TTYH2: variants seen among roughly 807,000 people sequenced by gnomAD.
TTYH2 encodes protein tweety homolog 2.
In TTYH2, 49 loss-of-function variants were observed where a neutral mutation model predicts 68.3. The observed-to-expected ratio is 0.72, with a 90% CI of 0.57 to 0.91. The LOEUF is 0.91. TTYH2 is among the 40% of genes least tolerant of loss of function. The pLI, the probability that TTYH2 is intolerant of heterozygous loss-of-function variation, is 0.00. For synonymous variants in TTYH2, 272 were observed against 300.8 expected (o/e 0.90, Z 0.99); for missense variants, 631 against 700.4 (o/e 0.90, Z 1.12).
Position 74,232,782 on chromosome 17 carries a change from A to G in TTYH2, c.414+1783A>G, listed in dbSNP as rs2050403188. Among the ~76,000 whole-genome samples the G allele has an allele frequency of 6.6e-6, 1 of 152,154 alleles. No homozygotes were observed. Among genetic ancestry groups the G allele is most frequent in the African/African-American group, 2.4e-5 (1 of 41,438 alleles). Reference sequence around the variant, plus strand: ...AGGGCCATGACCTTCACGGGTTTAGAGAAACTCCCAGAACTCCCTTATGGG... The same window carrying G: ...AGGGCCATGACCTTCACGGGTTTAGGGAAACTCCCAGAACTCCCTTATGGG... On this transcript the variant is annotated intron_variant, in intron 3 of 13. Coordinates refer to ENST00000269346, the MANE Select transcript of TTYH2 (RefSeq NM_032646.6). This position sits in a 1 kb window ranked among gnomAD's most constrained non-coding sequence, Gnocchi z 5.1.
intron 13 of TTYH2, among the ~76,000 whole-genome samples, chr17:74,259,508 G>A (rs4074790): frequency 0.022 from 3,282 of 152,162 alleles, 104 homozygotes; most frequent in African/African-American, 0.074. Flanking sequence ...AATCACCACC[G>A]TTATGTGCAT....
chr17:74,217,235 T>C lies in TTYH2; in HGVS notation c.129+3519T>C, dbSNP rs114889220. On this transcript the variant is annotated intron_variant, in intron 1 of 13. Coordinates refer to ENST00000269346, the MANE Select transcript of TTYH2 (RefSeq NM_032646.6). This position sits in a 1 kb window ranked among gnomAD's most constrained non-coding sequence, Gnocchi z 4.0. ...CTGTCAACAGGCAGGTGGCCACATG[T>C]GTGCTTCCTGTTCCAGCTTCCCTTG... is the stretch of plus-strand genomic sequence containing the variant. Among the ~76,000 whole-genome samples, 1,079 of 152,366 alleles carry C rather than the reference T, an allele frequency of 7.1e-3. 11 individuals are homozygous for C. The highest frequency in any genetic ancestry group is 0.025 in the African/African-American group (1,026 of 41,592).
At chr17:74,251,054 CTG>C (rs60781825) in intron 10 of TTYH2, among the ~76,000 whole-genome samples, 62,982 of 151,094 alleles carry the variant, frequency 0.42, 13,744 homozygotes, top group African/African-American at 0.53. Context: ...GTGCGTGTGT[CTG>C]TGTGTGTGTG....
At chr17:74,253,307 G>C in intron 12 of TTYH2, 41 bp downstream of exon 12, 3 of 1,526,790 alleles carry the variant, frequency 2.0e-6, no homozygotes, top group Non-Finnish European at 1.8e-6. Flanking sequence ...AGCACTGCCC[G>C]GACAGCATGT....
intron 2 of TTYH2, among the ~76,000 whole-genome samples, chr17:74,228,335 T>G (rs531513718): frequency 6.6e-6 from 1 of 152,120 alleles, no homozygotes; most frequent in Non-Finnish European, 1.5e-5. Flanking sequence ...TCCTGTGTTG[T>G]TTAAAGAACA....
chr17:74,244,704 T>C (rs2050537992), intron 6 of TTYH2, among the ~76,000 whole-genome samples: 1 of 152,060 alleles, frequency 6.6e-6, no homozygotes, highest in Non-Finnish European at 1.5e-5. Flanking sequence ...TCAGCTGACA[T>C]TGTTTGCTGG....
rs148722386 is a variant in TTYH2 at position 74,249,984 on chromosome 17, G to A, written c.979G>A (p.Ala327Thr). The A allele has an allele frequency of 8.7e-6, 14 of 1,614,118 alleles. No individual in the cohort carries two copies. Among genetic ancestry groups the A allele is most frequent in the Middle Eastern group, 1.6e-4 (1 of 6,062 alleles). Residue 327 changes from alanine (A) to threonine (T), a missense_variant, in exon 9 of 14, where the codon GCG becomes ACG. By Grantham distance (58) the Ala-to-Thr change is moderately conservative. Coordinates refer to ENST00000269346, the MANE Select transcript of TTYH2 (RefSeq NM_032646.6). ...ACTTACCACCATGCAGATCCAGGTCGCGGGGCTGCTGCAGTTTGCCGTGCC... is the reference window on the plus strand; with the variant it reads ...ACTTACCACCATGCAGATCCAGGTCACGGGGCTGCTGCAGTTTGCCGTGCC... ...RALTTMQIQV[A>T]GLLQFAVPLF...
chr17:74,249,193 C>G, intron 7 of TTYH2, 113 bp downstream of exon 7: 1 of 1,566,400 alleles, frequency 6.4e-7, no homozygotes, highest in Non-Finnish European at 8.8e-7. Flanking sequence ...CCCTGAACTT[C>G]AAGTCCAGCT....
In TTYH2 at chr17:74,215,608, G is replaced by A. The variant is rs527531077; in HGVS notation, c.129+1892G>A. On this transcript the variant is annotated intron_variant, in intron 1 of 13. Coordinates refer to ENST00000269346, the MANE Select transcript of TTYH2 (RefSeq NM_032646.6). The surrounding 1 kb of genome is among the most constrained non-coding windows in gnomAD (Gnocchi z 4.3). The stretch of plus-strand genomic sequence containing the variant: ...GCCCTGCCCACTGGCTCCTGGTCCC[G>A]CTCACCCCCTCACCACCACTCAGAT... The A allele has an allele frequency of 6.4e-5, 98 of 1,534,732 alleles. 1 individual carries two copies. The Middle Eastern group carries it at 2.4e-3, about 38-fold the overall frequency.
At chr17:74,258,184 C>T (rs1422998739) in intron 13 of TTYH2, among the ~76,000 whole-genome samples, 1 of 152,112 alleles carries the variant, frequency 6.6e-6, no homozygotes, top group African/African-American at 2.4e-5. Flanking sequence ...AGGAGGGTCT[C>T]ATACTTGCGT....
Position 74,241,296 on chromosome 17 carries a change from T to TGTGC in TTYH2, c.636-2077_636-2076insTGCG, listed in dbSNP as rs59096145. Among the ~76,000 whole-genome samples the TGTGC allele has an allele frequency of 1.2e-4, 17 of 146,368 alleles. No individual in the cohort carries two copies. Among genetic ancestry groups the TGTGC allele is most frequent in the African/African-American group, 4.3e-4 (17 of 39,766 alleles). On this transcript the variant is annotated intron_variant, in intron 4 of 13. Coordinates refer to ENST00000269346, the MANE Select transcript of TTYH2 (RefSeq NM_032646.6). This position sits in a 1 kb window ranked among gnomAD's most constrained non-coding sequence, Gnocchi z 4.1. ...GTGTGTGTGTGTGTGTGTGTGTGTGTGCGTGTAAAAATAAGAATGTGATCC... is the reference window on the plus strand; with the variant it reads ...GTGTGTGTGTGTGTGTGTGTGTGTGTGTGCGCGTGTAAAAATAAGAATGTGATCC...
Position 74,249,921 on chromosome 17 carries a change from T to A in TTYH2, c.931-15T>A, listed in dbSNP as rs1431683831. ...GACGGAGCCTCACTGTGGGGCTGTG[T>A]CTTTCCTGGCTCAGACCCTGACCAC... On this transcript the variant is annotated splice_polypyrimidine_tract_variant and intron_variant, in intron 8 of 13. Coordinates refer to ENST00000269346, the MANE Select transcript of TTYH2 (RefSeq NM_032646.6). The A allele has an allele frequency of 6.2e-7, 1 of 1,609,800 alleles. No homozygotes were observed. Among genetic ancestry groups the A allele is most frequent in the Admixed American group, 1.7e-5 (1 of 59,694 alleles).
rs368662958 is a variant in TTYH2 at position 74,252,193 on chromosome 17, C to G, written c.1117-41C>G. 3.1e-6 allele frequency: 5 copies of G among 1,607,366 alleles called. No individual in the cohort carries two copies. In the African/African-American group the frequency reaches 6.7e-5, roughly 21 times the overall value. On this transcript the variant is annotated intron_variant, in intron 10 of 13. Coordinates refer to ENST00000269346, the MANE Select transcript of TTYH2 (RefSeq NM_032646.6). The stretch of plus-strand genomic sequence containing the variant: ...GAGAGCTCGGCCCGCAGGCTTTGCC[C>G]CCGCTCCTTCACTAGCTGCATGTCC...
At position 74,222,788 on chromosome 17, in the gene TTYH2, C is replaced by CA; in HGVS notation, c.302+131_302+132insA. 1.1e-6 allele frequency: 1 copy of CA among 936,158 alleles called. No individual in the cohort carries two copies. The highest frequency in any genetic ancestry group is 1.5e-6 in the Non-Finnish European group (1 of 680,968). The allele number at this position is 936,158 out of a possible 1,614,324, so 58.0% of individuals were successfully genotyped here. On this transcript the variant is annotated intron_variant, in intron 2 of 13. Coordinates refer to ENST00000269346, the MANE Select transcript of TTYH2 (RefSeq NM_032646.6). The surrounding 1 kb of genome is among the most constrained non-coding windows in gnomAD (Gnocchi z 5.2). ...GCTTGTCCCCAGATGAATGTTGTCC[C>CA]TTTTTTTTTTTTTACCAAGCATCAG...
chr17:74,254,181 T>G (rs1598234742), intron 13 of TTYH2, among the ~76,000 whole-genome samples: 1 of 81,814 alleles, frequency 1.2e-5, no homozygotes, highest in Middle Eastern at 6.0e-3. Flanking sequence ...ATTTATTTAT[T>G]TATTTATTTT....
chr17:74,246,323 G>A (rs1204397840), intron 6 of TTYH2, among the ~76,000 whole-genome samples: 1 of 152,166 alleles, frequency 6.6e-6, no homozygotes, highest in Admixed American at 6.5e-5. Flanking sequence ...TGGAAACCCA[G>A]GAAAGTTCCT....
At chr17:74,235,206 T>C (rs183345474) in intron 3 of TTYH2, among the ~76,000 whole-genome samples, 2 of 152,324 alleles carry the variant, frequency 1.3e-5, no homozygotes, top group Admixed American at 1.3e-4. Flanking sequence ...ACACAGCTGA[T>C]GTGAAGTCCC....
intron 6 of TTYH2, among the ~76,000 whole-genome samples, chr17:74,246,047 C>G (rs1449322789): frequency 6.6e-6 from 1 of 152,164 alleles, no homozygotes; most frequent in Non-Finnish European, 1.5e-5. Context: ...CACTGCGAGT[C>G]AGGAGGTGTC....
At chr17:74,238,010 A>G (rs1164357224) in intron 4 of TTYH2, among the ~76,000 whole-genome samples, 2 of 152,206 alleles carry the variant, frequency 1.3e-5, no homozygotes, top group Admixed American at 1.3e-4. Flanking sequence ...GTGAGCATGC[A>G]GGATAGCCTC....
Sources: gnomAD v4.1 joint callset for allele counts (sites outside exome capture counted in the v4.1 genomes callset) on GRCh38, gnomAD v4.1.1 for gene constraint, Gnocchi (gnomAD v3.1) non-coding constraint, MANE v1.5 for transcripts, NCBI Gene and HGNC (gene_info 2026-07-23, HGNC 2026-07-21) for gene names.